The following PCDH15 variants were observed in gnomAD, a reference collection of about 807,000 sequenced individuals.
The protein encoded by PCDH15 is protocadherin related 15, also known as protocadherin-15.
In PCDH15, 129 loss-of-function variants were observed where a neutral mutation model predicts 178.5. The observed-to-expected ratio is 0.72, with a 90% confidence interval of 0.63 to 0.84. The LOEUF is 0.84. Ranked by LOEUF, PCDH15 falls within the 40% of genes least tolerant of loss-of-function variation. The pLI, the probability that PCDH15 is intolerant of heterozygous loss-of-function variation, is 0.00. For missense variants in PCDH15, 2,230 were observed against 2,099.9 expected (o/e 1.06, Z -1.21); for synonymous variants, 800 against 732.0 (o/e 1.09, Z -1.50).
intron 21 of PCDH15, among the ~76,000 whole-genome samples, chr10:53,992,872 C>T (rs1238759013): frequency 6.6e-6 from 1 of 152,108 alleles, no homozygotes; most frequent in Non-Finnish European, 1.5e-5. Flanking sequence ...GTTTTTCCTC[C>T]CTCTGGAGCA....
At chr10:55,300,308 C>T (rs1268898951) in intron 1 of PCDH15, among the ~76,000 whole-genome samples, 1 of 152,102 alleles carries the variant, frequency 6.6e-6, no homozygotes, top group East Asian at 1.9e-4. Flanking sequence ...AAATGGCTTC[C>T]TGGATGATCT....
chr10:54,247,309 A>G (rs1358391723), intron 8 of PCDH15, among the ~76,000 whole-genome samples: 2 of 151,942 alleles, frequency 1.3e-5, no homozygotes, highest in African/African-American at 4.8e-5. Flanking sequence ...CTTCCCTACA[A>G]CTTTCTTGAG....
At chr10:55,246,514 A>AAGTTCT (rs1841682698) in intron 1 of PCDH15, among the ~76,000 whole-genome samples, 3 of 152,188 alleles carry the variant, frequency 2.0e-5, no homozygotes, top group South Asian at 2.1e-4. Context: ...TGGAATTTAA[A>AAGTTCT]AGTTCTCAAT....
chr10:54,267,947 C>A (rs1438789246), intron 8 of PCDH15, among the ~76,000 whole-genome samples: 2 of 151,742 alleles, frequency 1.3e-5, no homozygotes, highest in Non-Finnish European at 3.0e-5. Flanking sequence ...TTATATTTAA[C>A]TAAAAAAGAG....
At chr10:54,645,621 T>C (rs571018416) in intron 2 of PCDH15, among the ~76,000 whole-genome samples, 1 of 152,100 alleles carries the variant, frequency 6.6e-6, no homozygotes, top group Non-Finnish European at 1.5e-5. Context: ...AGAAGAATTG[T>C]AGCACACAGA....
chr10:53,811,422 T>G (rs1413041607), intron 36 of PCDH15, 127 bp downstream of exon 36: 1 of 520,328 alleles, frequency 1.9e-6, no homozygotes, highest in African/African-American at 2.0e-5. Flanking sequence ...CTATTCATTT[T>G]CAAGTATTAT....
chr10:54,818,866 A>C (rs563068961), intron 3 of PCDH15, among the ~76,000 whole-genome samples: 2 of 152,182 alleles, frequency 1.3e-5, no homozygotes, highest in East Asian at 3.9e-4. Context: ...ATACAGCCAG[A>C]ATAAATGAGG....
chr10:54,856,792 G>A (rs1953749257), intron 3 of PCDH15, among the ~76,000 whole-genome samples: 1 of 152,124 alleles, frequency 6.6e-6, no homozygotes. Flanking sequence ...CTACGGATGT[G>A]ACATTTTTGG....
chr10:55,421,951 A>G (rs1838631777), intron 2 of PCDH15, among the ~76,000 whole-genome samples: 1 of 151,728 alleles, frequency 6.6e-6, no homozygotes, highest in Non-Finnish European at 1.5e-5. Context: ...TTTATAGCAG[A>G]TTTTATAATG....
At chr10:55,217,499 T>A (rs1840740510) in intron 1 of PCDH15, among the ~76,000 whole-genome samples, 1 of 151,868 alleles carries the variant, frequency 6.6e-6, no homozygotes, top group Non-Finnish European at 1.5e-5. Flanking sequence ...ATTCTATTAT[T>A]CTTTCGCAAA....
intron 2 of PCDH15, among the ~76,000 whole-genome samples, chr10:54,577,233 C>G (rs547137330): frequency 6.8e-6 from 1 of 146,042 alleles, no homozygotes; most frequent in Non-Finnish European, 1.5e-5. Flanking sequence ...TAGGCGTGCA[C>G]CACCACGCCC....
chr10:54,228,209 A>C (rs921254578), intron 9 of PCDH15, among the ~76,000 whole-genome samples: 4 of 152,180 alleles, frequency 2.6e-5, no homozygotes, highest in African/African-American at 9.7e-5. Context: ...CAAAAGAAAA[A>C]GGTTTAATTG....
intron 3 of PCDH15, among the ~76,000 whole-genome samples, chr10:54,826,241 A>C (rs977955066): frequency 2.0e-5 from 3 of 152,210 alleles, no homozygotes; most frequent in South Asian, 2.1e-4. Context: ...AATTGAAAAA[A>C]AATCCAATCA....
intron 1 of PCDH15, among the ~76,000 whole-genome samples, chr10:55,217,205 G>A (rs1328875905): frequency 6.6e-6 from 1 of 151,760 alleles, no homozygotes; most frequent in East Asian, 1.9e-4. Context: ...TGGTCAACTC[G>A]AAAGAAATTT....
At chr10:55,292,010 A>T (rs1221423406) in intron 1 of PCDH15, among the ~76,000 whole-genome samples, 1 of 152,176 alleles carries the variant, frequency 6.6e-6, no homozygotes, top group Non-Finnish European at 1.5e-5. Flanking sequence ...ATGGGAATTC[A>T]AGATAAGATT....
chr10:53,980,837 T>C (rs1003706228), intron 21 of PCDH15, among the ~76,000 whole-genome samples: 1 of 152,332 alleles, frequency 6.6e-6, no homozygotes, highest in Non-Finnish European at 1.5e-5. Context: ...GAACATGATT[T>C]ATGACATCTA....
chr10:53,890,333 A>G (rs551331798), intron 26 of PCDH15, among the ~76,000 whole-genome samples: 1 of 152,302 alleles, frequency 6.6e-6, no homozygotes, highest in African/African-American at 2.4e-5. Flanking sequence ...AGGCTGAGGC[A>G]GGAGAATCGC....
intron 1 of PCDH15, among the ~76,000 whole-genome samples, chr10:54,764,158 T>C (rs1229083383): frequency 6.6e-6 from 1 of 152,078 alleles, no homozygotes; most frequent in Non-Finnish European, 1.5e-5. Context: ...GTTATGTCTC[T>C]TGTCTAGCTT....
At chr10:55,312,447 T>C (rs1362084228) in intron 1 of PCDH15, among the ~76,000 whole-genome samples, 2 of 152,258 alleles carry the variant, frequency 1.3e-5, no homozygotes, top group Admixed American at 6.5e-5. Flanking sequence ...CAATTTCTCA[T>C]GGAGTAGACA....
Sources: allele counts gnomAD v4.1 joint callset (sites outside exome capture counted in the v4.1 genomes callset), GRCh38; gene constraint gnomAD v4.1.1; transcripts MANE v1.5; gene names NCBI Gene and HGNC (gene_info 2026-07-23, HGNC 2026-07-21).